The following SCAPER variants were observed in gnomAD, a reference collection of about 807,000 sequenced individuals.
SCAPER encodes the protein S phase cyclin A-associated protein in the endoplasmic reticulum.
A neutral mutation model predicts 182.2 loss-of-function variants in SCAPER; 98 were observed. That is an observed-to-expected ratio of 0.54 (90% CI 0.46 to 0.64). The LOEUF is 0.64. Ranked by LOEUF, SCAPER falls within the 30% of genes least tolerant of loss-of-function variation. The probability of loss-of-function intolerance (pLI) is 0.00; values close to 1 mark genes in which losing one functional copy is unlikely to be tolerated. For synonymous variants in SCAPER, 605 were observed against 564.6 expected (o/e 1.07, Z -1.01); for missense variants, 1,432 against 1,690.0 (o/e 0.85, Z 2.68).
At chr15:76,886,041 A>G (rs2073821369) in intron 1 of SCAPER, among the ~76,000 whole-genome samples, 1 of 152,210 alleles carries the variant, frequency 6.6e-6, no homozygotes, top group South Asian at 2.1e-4. Context: ...ATCAAATGGT[A>G]ATTCTACTTT....
At chr15:76,506,809 T>A (rs1296458463) in intron 23 of SCAPER, among the ~76,000 whole-genome samples, 2 of 152,298 alleles carry the variant, frequency 1.3e-5, no homozygotes, top group South Asian at 2.1e-4. Flanking sequence ...GTATCCTTTT[T>A]AAAAAATACC....
At chr15:76,361,367 G>A (rs538560449) in intron 29 of SCAPER, among the ~76,000 whole-genome samples, 2 of 152,304 alleles carry the variant, frequency 1.3e-5, no homozygotes, top group African/African-American at 4.8e-5. Flanking sequence ...GCCAAGCATG[G>A]TGTTAGGCAC....
intron 26 of SCAPER, among the ~76,000 whole-genome samples, chr15:76,420,104 T>A (rs1402085030): frequency 6.6e-6 from 1 of 151,988 alleles, no homozygotes; most frequent in Non-Finnish European, 1.5e-5. Context: ...TTGAAAAAAC[T>A]CTCAACAAAT....
chr15:76,633,159 C>T (rs1310916621), intron 21 of SCAPER, among the ~76,000 whole-genome samples: 2 of 152,102 alleles, frequency 1.3e-5, no homozygotes, highest in Admixed American at 1.3e-4. Context: ...TTTGTCTTTT[C>T]ACAGTCAGGT....
intron 1 of SCAPER, among the ~76,000 whole-genome samples, chr15:76,893,405 A>G (rs1449156330): frequency 6.6e-6 from 1 of 152,198 alleles, no homozygotes; most frequent in Non-Finnish European, 1.5e-5. Context: ...TACGCACCCA[A>G]CATTGGAGCA....
At chr15:76,818,183 A>C (rs3106378) in intron 5 of SCAPER, among the ~76,000 whole-genome samples, 20,425 of 152,258 alleles carry the variant, frequency 0.13, 1,410 homozygotes, top group African/African-American at 0.17. Context: ...GTACAAAGCC[A>C]ATACAAGGGA....
At chr15:76,664,107 T>C (rs1304452940) in intron 21 of SCAPER, among the ~76,000 whole-genome samples, 2 of 152,100 alleles carry the variant, frequency 1.3e-5, no homozygotes, top group Non-Finnish European at 2.9e-5. Context: ...AAGAACCTTC[T>C]AGGAAGAGGA....
At chr15:76,426,538 C>T (rs762316314) in intron 26 of SCAPER, among the ~76,000 whole-genome samples, 17 of 151,754 alleles carry the variant, frequency 1.1e-4, no homozygotes, top group South Asian at 2.1e-4. Flanking sequence ...TGGAACTGCC[C>T]GAGAATTTTT....
chr15:76,817,374 C>T (rs555361955), intron 5 of SCAPER, among the ~76,000 whole-genome samples: 15 of 151,672 alleles, frequency 9.9e-5, no homozygotes, highest in Non-Finnish European at 2.1e-4. Flanking sequence ...AAGTCGAATA[C>T]GTAGAAAGAA....
At chr15:76,352,419 AAAG>A (rs1311420543) in intron 30 of SCAPER, among the ~76,000 whole-genome samples, 1 of 152,126 alleles carries the variant, frequency 6.6e-6, no homozygotes. Context: ...CTGTTCAATA[AAAG>A]AATGAATAAT....
intron 4 of SCAPER, among the ~76,000 whole-genome samples, chr15:76,848,247 A>G (rs1415718960): frequency 6.6e-6 from 1 of 150,578 alleles, no homozygotes; most frequent in Non-Finnish European, 1.5e-5. Context: ...TGACCTGCCC[A>G]CCTCAGCCTC....
intron 24 of SCAPER, among the ~76,000 whole-genome samples, chr15:76,496,736 T>C (rs921546427): frequency 3.3e-5 from 5 of 152,214 alleles, no homozygotes; most frequent in African/African-American, 1.2e-4. Flanking sequence ...ATACTTTCTC[T>C]CTTTATTCCT....
chr15:76,666,755 AT>A (rs1369710285), intron 20 of SCAPER, among the ~76,000 whole-genome samples: 1 of 152,142 alleles, frequency 6.6e-6, no homozygotes, highest in Admixed American at 6.5e-5. Context: ...GTTCATGACT[AT>A]GTTTATTTGA....
intron 27 of SCAPER, among the ~76,000 whole-genome samples, chr15:76,382,673 T>C (rs2938693): frequency 0.97 from 147,898 of 152,216 alleles, 71,986 homozygotes; most frequent in East Asian, 1. Flanking sequence ...CCCATTTACT[T>C]TGGCTCAAGG....
chr15:76,701,083 G>T (rs1194871732), intron 20 of SCAPER, among the ~76,000 whole-genome samples: 1 of 111,334 alleles, frequency 9.0e-6, no homozygotes. Flanking sequence ...CTTGACTAAT[G>T]AATGCCATAC....
intron 4 of SCAPER, among the ~76,000 whole-genome samples, chr15:76,850,951 G>A (rs181393784): frequency 6.6e-5 from 10 of 151,398 alleles, no homozygotes; most frequent in Middle Eastern, 3.4e-3. Flanking sequence ...CCAATCCAAG[G>A]AAACTAAGAT....
intron 4 of SCAPER, among the ~76,000 whole-genome samples, chr15:76,846,133 G>A (rs373310513): frequency 1.1e-4 from 17 of 152,166 alleles, no homozygotes; most frequent in Middle Eastern, 3.4e-3. Context: ...TGGGAAAACC[G>A]GATATCTGTA....
intron 11 of SCAPER, among the ~76,000 whole-genome samples, 177 bp from the exon 12 acceptor site, chr15:76,765,815 C>A (rs1052833807): frequency 3.9e-5 from 6 of 152,172 alleles, no homozygotes; most frequent in Admixed American, 2.0e-4. Context: ...AGTTAAAATA[C>A]TACAGCCTAT....
chr15:76,719,695 A>T (rs2060092934), intron 17 of SCAPER, among the ~76,000 whole-genome samples: 1 of 152,126 alleles, frequency 6.6e-6, no homozygotes, highest in Admixed American at 6.6e-5. Flanking sequence ...ACTATTTTTT[A>T]AAAAACCTAA....
Sources: allele counts gnomAD v4.1 joint callset (sites outside exome capture counted in the v4.1 genomes callset), GRCh38; gene constraint gnomAD v4.1.1; transcripts MANE v1.5; gene names NCBI Gene and HGNC (gene_info 2026-07-23, HGNC 2026-07-21).